FREM3: variants seen among roughly 807,000 people sequenced by gnomAD.
FREM3 encodes the protein FRAS1 related extracellular matrix 3.
A neutral mutation model predicts 129.1 loss-of-function variants in FREM3; 105 were observed. That is an observed-to-expected ratio of 0.81 (90% CI 0.69 to 0.96). The LOEUF (loss-of-function observed/expected upper bound fraction) is 0.96. Ranked by LOEUF, FREM3 falls within the 40% of genes least tolerant of loss-of-function variation. The probability of loss-of-function intolerance (pLI) is 0.00; values close to 1 mark genes in which losing one functional copy is unlikely to be tolerated. For missense variants in FREM3, 2,593 were observed against 2,666.3 expected, an observed-to-expected ratio of 0.97 and a Z score of 0.61; for synonymous variants, 1,014 against 1,044.9, an observed-to-expected ratio of 0.97 and a Z score of 0.57.
intron 7 of FREM3, among the ~76,000 whole-genome samples, chr4:143,584,373 C>T (rs369101229): frequency 0.011 from 1,516 of 138,866 alleles, 30 homozygotes; most frequent in African/African-American, 0.039. Flanking sequence ...TGCGCCACTG[C>T]GGTCCGCAGT....
At chr4:143,651,965 G>A (rs992265489) in intron 2 of FREM3, among the ~76,000 whole-genome samples, 3 of 152,050 alleles carry the variant, frequency 2.0e-5, no homozygotes, top group African/African-American at 7.2e-5. Context: ...AGAACTAATA[G>A]TTCAAAAGAT....
intron 5 of FREM3, among the ~76,000 whole-genome samples, chr4:143,620,085 G>A (rs992306879): frequency 1.3e-5 from 2 of 152,140 alleles, no homozygotes; most frequent in Non-Finnish European, 2.9e-5. Context: ...GTAGCAATCA[G>A]CAATCAAATG....
In FREM3 at chr4:143,577,822, T is replaced by A; in HGVS notation, c.6209A>T (p.Asn2070Ile). ...AGTDYVGISR[N>I]LDFAPGVRMQ... ...GCGCACGCCTGGAGCAAAGTCCAGGTTTCGGCTGATACCAACATAATCTGT... is the reference window on the plus strand; with the variant it reads ...GCGCACGCCTGGAGCAAAGTCCAGGATTCGGCTGATACCAACATAATCTGT... Residue 2070 changes from asparagine to isoleucine, a missense_variant, in exon 8 of 8, where the codon AAC (asparagine) becomes ATC (isoleucine). Physicochemically the swap from Asn to Ile is moderately radical, Grantham distance 149 (BLOSUM62 -3). Transcript: ENST00000329798. 6.5e-7 allele frequency: 1 copy of A among 1,537,190 alleles called. No individual in the cohort carries two copies. Among genetic ancestry groups the A allele is most frequent in the Non-Finnish European group, 8.7e-7 (1 of 1,146,880 alleles).
chr4:143,648,799 CT>C (rs1408470456), intron 2 of FREM3, among the ~76,000 whole-genome samples: 8 of 152,192 alleles, frequency 5.3e-5, no homozygotes, highest in African/African-American at 1.9e-4. Flanking sequence ...GTCCTGTTCT[CT>C]CGCGCAGGCT....
At chr4:143,684,483 G>C (rs1324644273) in intron 2 of FREM3, among the ~76,000 whole-genome samples, 1 of 152,220 alleles carries the variant, frequency 6.6e-6, no homozygotes, top group African/African-American at 2.4e-5. Flanking sequence ...GGAACACCCT[G>C]TGGGACAAAA....
At chr4:143,636,264 A>C (rs940837460) in intron 2 of FREM3, among the ~76,000 whole-genome samples, 6 of 151,252 alleles carry the variant, frequency 4.0e-5, no homozygotes, top group African/African-American at 1.5e-4. Context: ...AATGAGAGTA[A>C]AGAGGGACCA....
intron 6 of FREM3, among the ~76,000 whole-genome samples, chr4:143,593,782 G>A (rs1223830664): frequency 2.0e-5 from 3 of 152,228 alleles, no homozygotes; most frequent in African/African-American, 7.2e-5. Flanking sequence ...GGACATTTAA[G>A]TCTGCAGAGG....
chr4:143,672,587 G>A (rs1376703840), intron 2 of FREM3, among the ~76,000 whole-genome samples: 1 of 152,036 alleles, frequency 6.6e-6, no homozygotes, highest in African/African-American at 2.4e-5. Context: ...TGCTCTTCTC[G>A]AGGAGTATCT....
At chr4:143,598,212 A>G (rs1738516264) in intron 6 of FREM3, among the ~76,000 whole-genome samples, 1 of 152,242 alleles carries the variant, frequency 6.6e-6, no homozygotes, top group East Asian at 1.9e-4. Context: ...AGTGGGTTGC[A>G]TCAGTGGTCT....
Position 143,699,041 on chromosome 4 carries a change from C to T in FREM3, c.1635G>A (p.Met545Ile), listed in dbSNP as rs1740638041. 2 of 1,537,222 alleles carry T rather than the reference C, an allele frequency of 1.3e-6. No individual in the cohort carries two copies. The highest frequency in any genetic ancestry group is 3.9e-5 in the Admixed American group (2 of 50,976). The change falls in exon 1 of 8, where the codon ATG (methionine) becomes ATA (isoleucine). Residue 545 changes from methionine to isoleucine, a missense_variant. Physicochemically the swap from Met to Ile is conservative, Grantham distance 10. Around this residue, in one of 2 missense-constraint regions of FREM3, gnomAD observed 2,276 missense variants for 2,267.2 expected, o/e 1.00. Coordinates refer to ENST00000329798, the MANE Select transcript of FREM3 (RefSeq NM_001168235.2). This position sits in a 1 kb window ranked among gnomAD's most constrained non-coding sequence, Gnocchi z 4.2. ...TILPVDDEPP[M>I]VNTNTGLSLT... The stretch of plus-strand genomic sequence containing the variant: ...GTGAGAGTCCTGTGTTAGTATTGAC[C>T]ATTGGTGGTTCATCATCCACAGGTA...
intron 2 of FREM3, among the ~76,000 whole-genome samples, chr4:143,673,933 C>T (rs984874713): frequency 6.6e-6 from 1 of 152,254 alleles, no homozygotes; most frequent in African/African-American, 2.4e-5. Flanking sequence ...TTGCTAAGAC[C>T]ATTGGAAAAG....
chr4:143,653,025 C>T (rs1278270838), intron 2 of FREM3, among the ~76,000 whole-genome samples: 1 of 152,150 alleles, frequency 6.6e-6, no homozygotes, highest in Non-Finnish European at 1.5e-5. Flanking sequence ...GGGCTTGACT[C>T]TATTTTTTTA....
In FREM3 at chr4:143,653,401, A is replaced by G. The variant is rs561725018; in HGVS notation, c.5276-25641T>C. Among the ~76,000 whole-genome samples, 124 of 152,328 alleles carry G rather than the reference A, an allele frequency of 8.1e-4. 1 individual carries two copies. Among genetic ancestry groups the G allele is most frequent in the African/African-American group, 2.8e-3 (117 of 41,574 alleles). ...ACTGGAGGCTGCCCTTAGCTTTTAG[A>G]GGCTTCCGGCAGTTCCGTGTCATGT... On this transcript the variant is annotated intron_variant, in intron 2 of 7. Coordinates refer to ENST00000329798, the MANE Select transcript of FREM3 (RefSeq NM_001168235.2).
rs765612422 is a variant in FREM3, at chr4:143,611,283, A to C, written c.6024T>G (p.Tyr2008Ter). 2 of 1,535,922 alleles carry C rather than the reference A, an allele frequency of 1.3e-6. No homozygotes were observed. Among genetic ancestry groups the C allele is most frequent in the South Asian group, 1.2e-5 (1 of 83,992 alleles). ...GAAAGCAACAAATGGACTTACCATCATAACGATCAGCCAGAATAGTCACCT... is the reference window on the plus strand; with the variant it reads ...GAAAGCAACAAATGGACTTACCATCCTAACGATCAGCCAGAATAGTCACCT... Reference protein sequence around the residue: ...TTKVTILADRYDEPVLHFGDA... With the variant: ...TTKVTILADR The change falls in exon 6 of 8, where the codon TAT becomes TAG. Residue 2008 changes from tyrosine (Y) to a stop codon, truncating the protein, a stop_gained. Transcript: ENST00000329798. LOFTEE classifies it high-confidence loss of function.
At chr4:143,623,286 A>C (rs1235991920) in intron 4 of FREM3, among the ~76,000 whole-genome samples, 1 of 152,166 alleles carries the variant, frequency 6.6e-6, no homozygotes, top group Non-Finnish European at 1.5e-5. Flanking sequence ...GATCATGGAA[A>C]GCTTTCCATC....
intron 1 of FREM3, among the ~76,000 whole-genome samples, chr4:143,694,696 T>A (rs1740534565): frequency 6.6e-6 from 1 of 152,240 alleles, no homozygotes; most frequent in African/African-American, 2.4e-5. Flanking sequence ...GCAGGTTTGT[T>A]ACATAGGTAT....
rs377285234 is a variant in FREM3 at position 143,697,000 on chromosome 4, T to C, written c.3676A>G (p.Asn1226Asp). ...GCTGTGAGTTGAAAGTGGAGCTCATTTGGTGGCAGGTCAGCATCTGCTCCA... is the reference window on the plus strand; with the variant it reads ...GCTGTGAGTTGAAAGTGGAGCTCATCTGGTGGCAGGTCAGCATCTGCTCCA... ...LNGADADLPPNELHFQLTALP... is the reference protein window; with the variant it reads ...LNGADADLPPDELHFQLTALP... Residue 1226 changes from asparagine (N) to aspartate (D), a missense_variant, in exon 1 of 8, where the codon AAT becomes GAT. Asn to Asp is a conservative substitution (Grantham distance 23, BLOSUM62 1). Transcript: ENST00000329798. 177 of 1,537,582 alleles carry C rather than the reference T, an allele frequency of 1.2e-4. 1 individual carries two copies. The highest frequency in any genetic ancestry group is 1.7e-4 in the Middle Eastern group (1 of 6,016).
intron 6 of FREM3, among the ~76,000 whole-genome samples, chr4:143,595,238 A>G (rs1738445240): frequency 6.6e-6 from 1 of 152,216 alleles, no homozygotes. Flanking sequence ...TTGTCTCAGG[A>G]TAGAAAACAG....
chr4:143,697,438 C>T lies in FREM3; in HGVS notation c.3238G>A (p.Val1080Ile), dbSNP rs1266492311. 1 of 1,537,096 alleles carries T rather than the reference C, an allele frequency of 6.5e-7. No individual in the cohort carries two copies. The highest frequency in any genetic ancestry group is 8.7e-7 in the Non-Finnish European group (1 of 1,146,900). ...PKVFVGESFI[V>I]YEGEKNSLTL... is the part of the protein sequence containing the mutation. ...AAGGAGTTCTTCTCACCTTCATAGA[C>T]AATGAAGGACTCCCCGACGAAGACC... Residue 1080 changes from valine (V) to isoleucine (I), a missense_variant, in exon 1 of 8, where the codon GTC (valine) becomes ATC (isoleucine). Coordinates refer to ENST00000329798, the MANE Select transcript of FREM3 (RefSeq NM_001168235.2).
Sources: gnomAD v4.1 joint callset for allele counts (sites outside exome capture counted in the v4.1 genomes callset) on GRCh38, gnomAD v4.1.1 for gene constraint, gnomAD v4.1.1 regional missense constraint, Gnocchi (gnomAD v3.1) non-coding constraint, MANE v1.5 for transcripts, NCBI Gene and HGNC (gene_info 2026-07-23, HGNC 2026-07-21) for gene names.